The following RASSF3 variants were observed in gnomAD, a reference collection of about 807,000 sequenced individuals.
The protein encoded by RASSF3 is ras association domain-containing protein 3.
A neutral mutation model predicts 19.9 loss-of-function variants in RASSF3; 19 were observed. That is an observed-to-expected ratio of 0.96 (90% confidence interval 0.67 to 1.40). The LOEUF (loss-of-function observed/expected upper bound fraction) is 1.40. Ranked by LOEUF, RASSF3 falls within the 40% of genes most tolerant of loss-of-function variation. The pLI is 0.00. For missense variants in RASSF3, 306 were observed against 289.8 expected, an observed-to-expected ratio of 1.06 and a Z score of -0.41; for synonymous variants, 110 against 104.2, an observed-to-expected ratio of 1.06 and a Z score of -0.34.
chr12:64,621,346 C>A (rs1412859465), intron 1 of RASSF3, among the ~76,000 whole-genome samples: 1 of 152,206 alleles, frequency 6.6e-6, no homozygotes. Flanking sequence ...ATTAGGTAGG[C>A]AAAATCTTGA....
intron 2 of RASSF3, among the ~76,000 whole-genome samples, chr12:64,555,359 A>G (rs76195004): frequency 0.03 from 4,567 of 152,288 alleles, 241 homozygotes; most frequent in African/African-American, 0.1. Context: ...GACTATGGGT[A>G]TACACCACTG....
chr12:64,624,867 C>T (rs978067237), intron 1 of RASSF3, among the ~76,000 whole-genome samples: 3 of 150,114 alleles, frequency 2.0e-5, no homozygotes, highest in Non-Finnish European at 4.4e-5. Flanking sequence ...TGGGGTTTGA[C>T]TGTGTTAGCC....
chr12:64,610,770 G>T, intron 1 of RASSF3, 27 bp downstream of exon 1: 1 of 1,506,634 alleles, frequency 6.6e-7, no homozygotes, highest in South Asian at 1.2e-5. Flanking sequence ...GGGCGCTGCA[G>T]CCCGCGCCCC....
chr12:64,555,089 C>T lies in RASSF3; in HGVS notation c.294+13384C>T, dbSNP rs565328180. 5.9e-5 allele frequency among the ~76,000 whole-genome samples: 9 copies of T among 152,028 alleles called. No individual in the cohort carries two copies. In the South Asian group the frequency reaches 1.5e-3, roughly 25 times the overall value. On this transcript the variant is annotated intron_variant, in intron 2 of 5. Transcript: ENST00000637125. ...TGAAACCCCGTCTTTACTAAAAATA[C>T]AAAAACCAGCTGGGTGTGGTGGTGC... is the stretch of plus-strand genomic sequence containing the variant.
At chr12:64,513,490 C>A (rs934497790) in intron 1 of RASSF3, among the ~76,000 whole-genome samples, 8 of 149,760 alleles carry the variant, frequency 5.3e-5, no homozygotes, top group Non-Finnish European at 7.4e-5. Flanking sequence ...CCAGAAGATA[C>A]CAAAGTCCGA....
chr12:64,605,845 A>C (rs1209218248), upstream of RASSF3, among the ~76,000 whole-genome samples: 2 of 144,162 alleles, frequency 1.4e-5, no homozygotes, highest in Non-Finnish European at 1.5e-5. Flanking sequence ...CCGAGATTGC[A>C]CCATTGCACT....
intron 2 of RASSF3, among the ~76,000 whole-genome samples, chr12:64,582,245 G>A (rs983565077): frequency 2.6e-5 from 4 of 152,112 alleles, no homozygotes; most frequent in East Asian, 1.9e-4. Context: ...AAATCATAAC[G>A]CTTTCCCTTG....
In RASSF3 at chr12:64,518,688, G is replaced by A. The variant is rs186469674; in HGVS notation, c.169+11359G>A. Among the ~76,000 whole-genome samples, 119 of 152,230 alleles carry A rather than the reference G, an allele frequency of 7.8e-4. 1 individual carries two copies. The highest frequency in any genetic ancestry group is 2.7e-3 in the African/African-American group (113 of 41,542). ...GCATTGTATACTTGATTTCCTCCTC[G>A]GAGACACCCAACATAAATTAGCACA... On this transcript the variant is annotated intron_variant, in intron 1 of 5. Coordinates refer to the RASSF3 transcript ENST00000637125.
chr12:64,539,321 T>A (rs1868894780), intron 1 of RASSF3, among the ~76,000 whole-genome samples: 1 of 152,164 alleles, frequency 6.6e-6, no homozygotes, highest in Admixed American at 6.5e-5. Context: ...CCTACCCTGA[T>A]GGCCTCATCT....
At position 64,535,977 on chromosome 12, in the gene RASSF3, G is replaced by A. The variant is rs547989056; in HGVS notation, c.67+2643G>A. On this transcript the variant is annotated intron_variant, in intron 1 of 1. Transcript: ENST00000636333. ...GCTGGGATTACAGGTGTGAACCACC[G>A]CACCCAGCCTGTTTTCACTTTTTTT... 1.0e-4 allele frequency among the ~76,000 whole-genome samples: 15 copies of A among 146,286 alleles called. No individual in the cohort carries two copies. In the South Asian group the frequency reaches 1.3e-3, roughly 13 times the overall value.
At chr12:64,632,157 G>A (rs1871188609) in intron 1 of RASSF3, among the ~76,000 whole-genome samples, 1 of 152,114 alleles carries the variant, frequency 6.6e-6, no homozygotes, top group African/African-American at 2.4e-5. Flanking sequence ...TGGGAGTGGT[G>A]CATGAAGAGA....
chr12:64,542,359 A>G (rs1327167787), downstream of RASSF3, among the ~76,000 whole-genome samples: 5 of 152,158 alleles, frequency 3.3e-5, no homozygotes, highest in East Asian at 1.9e-4. Flanking sequence ...GAACCTGAGC[A>G]TGAACACTGT....
At chr12:64,692,341 GA>G (rs1231334631) in intron 4 of RASSF3, among the ~76,000 whole-genome samples, 1 of 152,152 alleles carries the variant, frequency 6.6e-6, no homozygotes, top group East Asian at 1.9e-4. Flanking sequence ...CTGTTTGTTA[GA>G]TTAGTAGCAT....
chr12:64,601,902 G>T (rs575301461), intron 2 of RASSF3, among the ~76,000 whole-genome samples: 1 of 152,024 alleles, frequency 6.6e-6, no homozygotes, highest in Non-Finnish European at 1.5e-5. Flanking sequence ...CAGATCACGA[G>T]GTCAGGAGAT....
chr12:64,658,701 T>C (rs916415651), intron 1 of RASSF3, among the ~76,000 whole-genome samples: 1 of 152,164 alleles, frequency 6.6e-6, no homozygotes, highest in Admixed American at 6.5e-5. Context: ...CTTGGGAGGC[T>C]GAGGCATGAG....
intron 1 of RASSF3, among the ~76,000 whole-genome samples, chr12:64,518,938 A>G (rs1038409230): frequency 2.7e-4 from 41 of 152,200 alleles, no homozygotes; most frequent in Admixed American, 2.7e-3. Context: ...GGATACCTTT[A>G]TTACCAAACA....
In RASSF3 at chr12:64,558,532, T is replaced by C. The variant is rs571081901; in HGVS notation, c.294+16827T>C. Reference sequence around the variant, plus strand: ...CTGGGGGTGTGGTTACTTACAACCATAGTCAAGCATTCTCTTTATCAGAGC... The same window carrying C: ...CTGGGGGTGTGGTTACTTACAACCACAGTCAAGCATTCTCTTTATCAGAGC... On this transcript the variant is annotated intron_variant, in intron 2 of 5. Transcript: ENST00000637125. Among the ~76,000 whole-genome samples, 3 of 152,266 alleles carry C rather than the reference T, an allele frequency of 2.0e-5. No individual in the cohort carries two copies. The East Asian group carries it at 5.8e-4, about 29-fold the overall frequency.
Position 64,602,623 on chromosome 12 carries a change from C to T in RASSF3, c.294+60918C>T, listed in dbSNP as rs531845763. On this transcript the variant is annotated intron_variant, in intron 2 of 5. Coordinates refer to the RASSF3 transcript ENST00000637125. Reference sequence around the variant, plus strand: ...AAAAAAAAATGAAAAAAAGTCAGCTCGGAGCAGTGGCACACACAATCTGTA... The same window carrying T: ...AAAAAAAAATGAAAAAAAGTCAGCTTGGAGCAGTGGCACACACAATCTGTA... Among the ~76,000 whole-genome samples, 8 of 151,194 alleles carry T rather than the reference C, an allele frequency of 5.3e-5. No homozygotes were observed. In the South Asian group the frequency reaches 1.5e-3, roughly 28 times the overall value.
chr12:64,636,983 TA>T (rs1871348946), intron 1 of RASSF3, among the ~76,000 whole-genome samples: 2 of 152,086 alleles, frequency 1.3e-5, no homozygotes, highest in Admixed American at 1.3e-4. Context: ...TAGATACAGT[TA>T]GGTTATTCCA....
Sources: gnomAD v4.1 joint callset for allele counts (sites outside exome capture counted in the v4.1 genomes callset) on GRCh38, gnomAD v4.1.1 for gene constraint, MANE v1.5 for transcripts, NCBI Gene and HGNC (gene_info 2026-07-23, HGNC 2026-07-21) for gene names.